DDAH1: variants seen among roughly 807,000 people sequenced by gnomAD.
The protein encoded by DDAH1 is N(G),N(G)-dimethylarginine dimethylaminohydrolase 1.
A neutral mutation model predicts 28.8 loss-of-function variants in DDAH1; 19 were observed. That is an observed-to-expected ratio of 0.66 (90% CI 0.46 to 0.97). The LOEUF (loss-of-function observed/expected upper bound fraction) is 0.97, where lower values mean the gene tolerates loss of function less well. Ranked by LOEUF, DDAH1 falls within the 50% of genes least tolerant of loss-of-function variation. DDAH1 has a pLI of 0.00. For missense variants in DDAH1, 326 were observed against 375.9 expected (o/e 0.87, Z 1.10); for synonymous variants, 153 against 154.4 (o/e 0.99, Z 0.07).
chr1:85,575,837 A>T (rs1659585925), intron 1 of DDAH1: 1 of 152,148 alleles, frequency 6.6e-6, no homozygotes, highest in Non-Finnish European at 1.5e-5. Flanking sequence ...CTTACCTTCC[A>T]TGCCTCCATT....
chr1:85,406,629 T>C (rs1294271992), intron 1 of DDAH1, among the ~76,000 whole-genome samples: 1 of 152,184 alleles, frequency 6.6e-6, no homozygotes, highest in Non-Finnish European at 1.5e-5. Context: ...TGCTTTGAAA[T>C]ATGTATACAT....
At chr1:85,463,030 C>T (rs960581749) in intron 1 of DDAH1, among the ~76,000 whole-genome samples, 3 of 152,198 alleles carry the variant, frequency 2.0e-5, no homozygotes, top group African/African-American at 7.2e-5. Flanking sequence ...ATTATGTCCA[C>T]TGTATAGATG....
In DDAH1 at chr1:85,321,603, G is replaced by A. The variant is rs868616474; in HGVS notation, c.742-35C>T. The A allele has an allele frequency of 6.7e-6, 10 of 1,487,568 alleles. No homozygotes were observed. In the South Asian group the frequency reaches 9.0e-5, roughly 13 times the overall value. The allele number at this position is 1,487,568 out of a possible 1,614,324, so 92.1% of individuals were successfully genotyped here. A position where few individuals can be genotyped will look rare whatever the true frequency, so the allele number is the denominator to read the frequency against. ...GAATCAAGGAAAAGGAAGAAAAGAA[G>A]GATTATGTTTTACCATCCTCAGAAG... On this transcript the variant is annotated intron_variant, in intron 5 of 5. Coordinates refer to ENST00000284031, the MANE Select transcript of DDAH1 (RefSeq NM_012137.4).
chr1:85,407,122 G>A (rs979486738), intron 1 of DDAH1, among the ~76,000 whole-genome samples: 3 of 151,958 alleles, frequency 2.0e-5, no homozygotes, highest in Admixed American at 1.3e-4. Flanking sequence ...GTTTTCTCAC[G>A]TATTTTCCCA....
chr1:85,422,410 G>A (rs1653188311), intron 1 of DDAH1, among the ~76,000 whole-genome samples: 1 of 152,104 alleles, frequency 6.6e-6, no homozygotes, highest in Non-Finnish European at 1.5e-5. Flanking sequence ...TTTTAATAAA[G>A]TGTAGATTAT....
chr1:85,496,238 G>A, exon 2 of DDAH1: 1 of 985,168 alleles, frequency 1.0e-6, no homozygotes, highest in Non-Finnish European at 1.2e-6. Flanking sequence ...CTACTGAAAA[G>A]TCTTGGCCAA....
At chr1:85,400,208 T>TTTTTTTTTTTA (rs1652017729) in intron 1 of DDAH1, among the ~76,000 whole-genome samples, 1 of 87,058 alleles carries the variant, frequency 1.1e-5, no homozygotes, top group African/African-American at 5.0e-5. Context: ...TTTTTTTTTT[T>TTTTTTTTTTTA]GAGACGGAGT....
At chr1:85,509,194 G>A (rs1657137254) in intron 1 of DDAH1, among the ~76,000 whole-genome samples, 1 of 152,236 alleles carries the variant, frequency 6.6e-6, no homozygotes, top group Admixed American at 6.5e-5. Context: ...GTGATACCCA[G>A]GCAAAGAGGG....
At chr1:85,436,523 A>G (rs532859645) in intron 1 of DDAH1, among the ~76,000 whole-genome samples, 28 of 152,340 alleles carry the variant, frequency 1.8e-4, no homozygotes, top group African/African-American at 6.3e-4. Context: ...GTGAAAACAT[A>G]TATGCTATAG....
At chr1:85,575,449 A>G (rs182914369) in intron 1 of DDAH1, among the ~76,000 whole-genome samples, 5 of 152,298 alleles carry the variant, frequency 3.3e-5, no homozygotes, top group African/African-American at 9.6e-5. Context: ...GGTCCTAAAC[A>G]TCTTCCCCAC....
intron 4 of DDAH1, among the ~76,000 whole-genome samples, chr1:85,342,479 A>C (rs138274449): frequency 1.3e-3 from 204 of 152,086 alleles, no homozygotes; most frequent in Non-Finnish European, 2.6e-3. Context: ...TGATAACATT[A>C]GTGATTTTGG....
chr1:85,424,826 C>T (rs1352988902), intron 1 of DDAH1, among the ~76,000 whole-genome samples: 5 of 151,730 alleles, frequency 3.3e-5, no homozygotes, highest in Non-Finnish European at 5.9e-5. Context: ...AAAAGTTATA[C>T]AATAAAGAGA....
chr1:85,512,198 C>T lies in DDAH1; in HGVS notation c.-122-15917G>A, dbSNP rs550262821. On this transcript the variant is annotated intron_variant, in intron 1 of 6. Transcript: ENST00000426972. ...TGGGATGCAAGGCTGGTTCAACATA[C>T]GCAAATCAATAAACATAATCCATCA... 4.8e-4 allele frequency among the ~76,000 whole-genome samples: 73 copies of T among 152,186 alleles called. No individual in the cohort carries two copies. The South Asian group carries it at 0.011, about 23-fold the overall frequency.
chr1:85,552,858 C>T (rs1165896396), intron 1 of DDAH1, among the ~76,000 whole-genome samples: 1 of 152,086 alleles, frequency 6.6e-6, no homozygotes, highest in Non-Finnish European at 1.5e-5. Context: ...TTCCTAAGCT[C>T]TTCTATAGGT....
upstream of DDAH1, among the ~76,000 whole-genome samples, chr1:85,468,188 A>G (rs1255238314): frequency 1.3e-5 from 2 of 152,232 alleles, no homozygotes; most frequent in Non-Finnish European, 2.9e-5. Context: ...ACAGAAGCTT[A>G]TCTCTTGTTC....
At chr1:85,459,553 G>A (rs1484090635) in intron 1 of DDAH1, among the ~76,000 whole-genome samples, 1 of 152,182 alleles carries the variant, frequency 6.6e-6, no homozygotes. Flanking sequence ...ACTAGTTGGC[G>A]GTGATGATTT....
In DDAH1 at chr1:85,319,788, T is replaced by G. The variant is rs1661245426; in HGVS notation, c.*1664A>C. The G allele has an allele frequency of 6.6e-6, 1 of 152,196 alleles. No homozygotes were observed. The allele number at this position is 152,196 out of a possible 1,614,324, so 9.4% of individuals were successfully genotyped here. A position where few individuals can be genotyped will look rare whatever the true frequency, so the allele number is the denominator to read the frequency against. On this transcript the variant is annotated 3_prime_UTR_variant, in exon 6 of 6. Transcript: ENST00000284031. Reference sequence around the variant, plus strand: ...AAGAGAAGGAGGAGAAAAAAACTTTTGCAAATTTCTGACATAAAATAATCA... The same window carrying G: ...AAGAGAAGGAGGAGAAAAAAACTTTGGCAAATTTCTGACATAAAATAATCA...
chr1:85,344,697 C>T (rs1648733428), intron 4 of DDAH1, among the ~76,000 whole-genome samples: 1 of 151,500 alleles, frequency 6.6e-6, no homozygotes, highest in Non-Finnish European at 1.5e-5. Flanking sequence ...CTGAGAATTA[C>T]TGTGAGTCCC....
intron 1 of DDAH1, chr1:85,435,173 A>G (rs565472556): frequency 3.0e-4 from 46 of 152,352 alleles, no homozygotes; most frequent in African/African-American, 1.0e-3. Context: ...TTATTGTATT[A>G]TTAAAGACTA....
Sources: allele counts gnomAD v4.1 joint callset (sites outside exome capture counted in the v4.1 genomes callset), GRCh38; gene constraint gnomAD v4.1.1; transcripts MANE v1.5; gene names NCBI Gene and HGNC (gene_info 2026-07-23, HGNC 2026-07-21).